FLT4: variants seen among roughly 807,000 people sequenced by gnomAD.
FLT4 encodes vascular endothelial growth factor receptor 3.
FLT4 carries 30 observed loss-of-function variants against 163.2 expected under a neutral mutation model. That is an observed-to-expected ratio of 0.18 (90% CI 0.14 to 0.25). The LOEUF is 0.25. Ranked by LOEUF, FLT4 falls within the 10% of genes least tolerant of loss-of-function variation. The probability of loss-of-function intolerance (pLI) is 1.00; values close to 1 mark genes in which losing one functional copy is unlikely to be tolerated. For missense variants in FLT4, 1,510 were observed against 1,863.8 expected, an observed-to-expected ratio of 0.81 and a Z score of 3.50; for synonymous variants, 884 against 789.5, an observed-to-expected ratio of 1.12 and a Z score of -2.01.
At chr5:180,627,560 G>A (rs116600240) in intron 8 of FLT4, among the ~76,000 whole-genome samples, 115 of 152,296 alleles carry the variant, frequency 7.6e-4, no homozygotes, top group African/African-American at 2.7e-3. Flanking sequence ...TTGCTAGACC[G>A]TCCACCCAGT....
chr5:180,623,570 C>T lies in FLT4; in HGVS notation c.1548+365G>A, dbSNP rs1177406431. On this transcript the variant is annotated intron_variant, in intron 11 of 29. Transcript: ENST00000261937. The surrounding 1 kb of genome is among the most constrained non-coding windows in gnomAD (Gnocchi z 5.8). ...GTTCAGTACCCCCTTCTCGGCGTTG[C>T]CCCCAGGCTGCGCCAGCGGCTCAGC... Among the ~76,000 whole-genome samples the T allele has an allele frequency of 6.6e-6, 1 of 152,146 alleles. No homozygotes were observed. The highest frequency in any genetic ancestry group is 1.5e-5 in the Non-Finnish European group (1 of 68,010).
intron 8 of FLT4, 68 bp from the exon 9 acceptor site, chr5:180,626,333 C>G (rs1323565094): frequency 2.6e-6 from 4 of 1,562,270 alleles, no homozygotes; most frequent in South Asian, 1.1e-5. Flanking sequence ...GCTGGCACCC[C>G]CACCCCAAAT....
At position 180,611,482 on chromosome 5, in the gene FLT4, G is replaced by A; in HGVS notation, c.3538-3C>T. ...GCCATGCAGACCTCCTCTTCCTCCTGGCGGGAACAGGAGAGGCAGCCAGGC... is the reference window on the plus strand; with the variant it reads ...GCCATGCAGACCTCCTCTTCCTCCTAGCGGGAACAGGAGAGGCAGCCAGGC... On this transcript the variant is annotated splice_region_variant and splice_polypyrimidine_tract_variant and intron_variant, in intron 26 of 29. Transcript: ENST00000261937. 1 of 1,613,380 alleles carries A rather than the reference G, an allele frequency of 6.2e-7. No individual in the cohort carries two copies. The highest frequency in any genetic ancestry group is 8.5e-7 in the Non-Finnish European group (1 of 1,179,878).
Position 180,630,367 on chromosome 5 carries a change from G to C in FLT4, c.401-30C>G. On this transcript the variant is annotated intron_variant, in intron 3 of 29. Transcript: ENST00000261937. The surrounding 1 kb of genome is among the most constrained non-coding windows in gnomAD (Gnocchi z 6.3). Reference sequence around the variant, plus strand: ...GGAGAGGGAGCAAGCTGTTGGGGAAGGGACGTGGCGGCCAGGCTGGGGGAG... The same window carrying C: ...GGAGAGGGAGCAAGCTGTTGGGGAACGGACGTGGCGGCCAGGCTGGGGGAG... The C allele has an allele frequency of 6.3e-7, 1 of 1,592,854 alleles. No homozygotes were observed. The highest frequency in any genetic ancestry group is 2.2e-5 in the East Asian group (1 of 44,774).
intron 23 of FLT4, among the ~76,000 whole-genome samples, 191 bp from the exon 24 acceptor site, chr5:180,614,370 G>A (rs1338925543): frequency 1.3e-5 from 2 of 152,094 alleles, no homozygotes; most frequent in Non-Finnish European, 2.9e-5. Flanking sequence ...AGGGTCCTCT[G>A]CCTGGGTTGA....
At chr5:180,616,629 C>T (rs1374321243) in intron 22 of FLT4, 140 bp from the exon 23 acceptor site, 4 of 942,634 alleles carry the variant, frequency 4.2e-6, no homozygotes, top group Non-Finnish European at 6.5e-6. Flanking sequence ...GAAGGATTCC[C>T]ATCCATCTCC....
At chr5:180,625,817 G>T in intron 10 of FLT4, 52 bp downstream of exon 10, 1 of 1,572,078 alleles carries the variant, frequency 6.4e-7, no homozygotes, top group Non-Finnish European at 8.7e-7. Context: ...CCTCATGGCT[G>T]AGGCTGGGGG....
chr5:180,623,991 C>T lies in FLT4; in HGVS notation c.1492G>A (p.Val498Met), dbSNP rs766166148. 18 of 1,613,416 alleles carry T rather than the reference C, an allele frequency of 1.1e-5. No homozygotes were observed. The Admixed American group carries it at 1.2e-4, about 10-fold the overall frequency. The change falls in exon 11 of 30, where the codon GTG (valine) becomes ATG (methionine). Residue 498 changes from valine (V) to methionine (M), a missense_variant. Transcript: ENST00000261937. The surrounding 1 kb of genome is among the most constrained non-coding windows in gnomAD (Gnocchi z 5.8). Reference sequence around the variant, plus strand: ...GTGTCCAGGCTCTCGATGGGGTTCACGGCATCCTGCGTGGTCACCGCCCTC... The same window carrying T: ...GTGTCCAGGCTCTCGATGGGGTTCATGGCATCCTGCGTGGTCACCGCCCTC... ...DWRAVTTQDA[V>M]NPIESLDTWT...
chr5:180,611,620 C>A (rs1170166877), intron 26 of FLT4, 141 bp from the exon 27 acceptor site: 6 of 879,984 alleles, frequency 6.8e-6, no homozygotes, highest in African/African-American at 4.9e-5. Flanking sequence ...CTCTCGCCCC[C>A]GCCCTCGCCC....
chr5:180,649,368 A>G, intron 1 of FLT4, 120 bp downstream of exon 1: 1 of 607,156 alleles, frequency 1.6e-6, no homozygotes, highest in Non-Finnish European at 2.4e-6. Context: ...TCCGCGCACC[A>G]GGGCCACCGT....
chr5:180,612,680 C>T (rs191254791), intron 25 of FLT4, 69 bp from the exon 26 acceptor site: 1 of 1,132,762 alleles, frequency 8.8e-7, no homozygotes, highest in Non-Finnish European at 1.3e-6. Context: ...AGTGCCCCAG[C>T]CTTCCTGGGC....
upstream of FLT4, among the ~76,000 whole-genome samples, chr5:180,649,836 G>A (rs1411710847): frequency 6.6e-6 from 1 of 152,106 alleles, no homozygotes; most frequent in Non-Finnish European, 1.5e-5. Context: ...GCGCTCCGGA[G>A]GTGATGGAGC....
chr5:180,602,291 G>A lies in FLT4; in HGVS notation c.*901C>T, dbSNP rs563390137. 9 of 262,270 alleles carry A rather than the reference G, an allele frequency of 3.4e-5. No individual in the cohort carries two copies. Among genetic ancestry groups the A allele is most frequent in the African/African-American group, 8.6e-5 (4 of 46,462 alleles). The allele number at this position is 262,270 out of a possible 1,614,324, so 16.2% of individuals were successfully genotyped here. A position where few individuals can be genotyped will look rare whatever the true frequency, so the allele number is the denominator to read the frequency against. On this transcript the variant is annotated 3_prime_UTR_variant, in exon 30 of 30. Coordinates refer to ENST00000261937, the MANE Select transcript of FLT4 (RefSeq NM_182925.5). ...TGGCAGATCCGGGCTCTAAAGGGAA[G>A]AACCAGACCGGCAGCTCCAGACCCA...
In FLT4 at chr5:180,603,224, G is replaced by A. The variant is rs761089407; in HGVS notation, c.4060C>T (p.Arg1354Cys). 1.5e-5 allele frequency: 25 copies of A among 1,613,946 alleles called. No individual in the cohort carries two copies. Among genetic ancestry groups the A allele is most frequent in the South Asian group, 1.3e-4 (12 of 91,086 alleles). ...CTGTTGTCTGTGAAGAAAGTCACGC[G>A]GGCAGACGGGGAGCAGTGGTCCTCC... ...SEEDHCSPSARVTFFTDNSY is the reference protein window; with the variant it reads ...SEEDHCSPSACVTFFTDNSY The change falls in exon 30 of 30, where the codon CGC (arginine) becomes TGC (cysteine). Residue 1354 changes from arginine to cysteine, a missense_variant. Physicochemically the swap from Arg to Cys is radical, Grantham distance 180. Transcript: ENST00000261937.
At chr5:180,647,588 A>G (rs1765547221) in intron 1 of FLT4, among the ~76,000 whole-genome samples, 1 of 150,680 alleles carries the variant, frequency 6.6e-6, no homozygotes, top group Non-Finnish European at 1.5e-5. Context: ...CCACCGGACC[A>G]GCTGCCCTGA....
chr5:180,608,410 T>A, intron 29 of FLT4: 1 of 692,816 alleles, frequency 1.4e-6, no homozygotes, highest in Admixed American at 2.0e-5. Flanking sequence ...TGCTCAGCCA[T>A]TCGGGGCCAC....
chr5:180,620,463 G>T lies in FLT4; in HGVS notation c.2406+146C>A. ...AAAGACAGACAACCTCTGCGGGGTT[G>T]GAGCCCAGCGTGAAGGGCAGGGAGG... On this transcript the variant is annotated intron_variant, in intron 16 of 29. Transcript: ENST00000261937. The surrounding 1 kb of genome is among the most constrained non-coding windows in gnomAD (Gnocchi z 4.4). The T allele has an allele frequency of 1.2e-5, 15 of 1,227,902 alleles. No homozygotes were observed. The highest frequency in any genetic ancestry group is 1.8e-5 in the Non-Finnish European group (15 of 842,236). 76.1% of individuals were successfully genotyped at this position (1,227,902 alleles called of 1,614,324 possible).
chr5:180,637,750 G>A (rs185370975), intron 1 of FLT4, among the ~76,000 whole-genome samples: 6 of 152,196 alleles, frequency 3.9e-5, no homozygotes, highest in Admixed American at 2.6e-4. Context: ...GGCTAGTCTC[G>A]AACTCCTGAC....
Position 180,637,244 on chromosome 5 carries a change from C to T in FLT4, c.59-5466G>A, listed in dbSNP as rs373900681. ...ACTCGGGAGGCTGAGGCAGGAGAATCGCTTGAACCTGGGAGGCAGAGGTTG... is the reference window on the plus strand; with the variant it reads ...ACTCGGGAGGCTGAGGCAGGAGAATTGCTTGAACCTGGGAGGCAGAGGTTG... On this transcript the variant is annotated intron_variant, in intron 1 of 29. Coordinates refer to ENST00000261937, the MANE Select transcript of FLT4 (RefSeq NM_182925.5). 7.2e-3 allele frequency among the ~76,000 whole-genome samples: 1,094 copies of T among 151,110 alleles called. 12 individuals carry two copies. Among genetic ancestry groups the T allele is most frequent in the African/African-American group, 0.025 (1,047 of 41,120 alleles).
Sources: gnomAD v4.1 joint callset for allele counts (sites outside exome capture counted in the v4.1 genomes callset) on GRCh38, gnomAD v4.1.1 for gene constraint, Gnocchi (gnomAD v3.1) non-coding constraint, MANE v1.5 for transcripts, NCBI Gene and HGNC (gene_info 2026-07-23, HGNC 2026-07-21) for gene names.